SLC39A8: variants seen among roughly 807,000 people sequenced by gnomAD.
SLC39A8 encodes the protein solute carrier family 39 member 8.
A neutral mutation model predicts 40.4 loss-of-function variants in SLC39A8; 15 were observed. The observed-to-expected ratio is 0.37, with a 90% CI of 0.25 to 0.57. The LOEUF (loss-of-function observed/expected upper bound fraction) is 0.57, where lower values mean the gene tolerates loss of function less well. SLC39A8 is among the 20% of genes least tolerant of loss of function. The probability of loss-of-function intolerance (pLI) is 0.75; values close to 1 mark genes in which losing one functional copy is unlikely to be tolerated. For missense variants in SLC39A8, 472 were observed against 558.8 expected, an observed-to-expected ratio of 0.84 and a Z score of 1.57; for synonymous variants, 223 against 221.6, an observed-to-expected ratio of 1.01 and a Z score of -0.06.
At chr4:102,275,975 C>T (rs1027276655) in intron 6 of SLC39A8, among the ~76,000 whole-genome samples, 1 of 152,196 alleles carries the variant, frequency 6.6e-6, no homozygotes, top group Non-Finnish European at 1.5e-5. Context: ...CTCCAGGACA[C>T]AGCTAAAGCA....
intron 2 of SLC39A8, among the ~76,000 whole-genome samples, chr4:102,335,352 T>C (rs1457093135): frequency 1.3e-5 from 2 of 152,160 alleles, no homozygotes; most frequent in Admixed American, 6.5e-5. Context: ...AACTTTCTGT[T>C]TCCCTGTCGC....
At chr4:102,277,478 C>G (rs1266299777) in intron 6 of SLC39A8, among the ~76,000 whole-genome samples, 1 of 151,948 alleles carries the variant, frequency 6.6e-6, no homozygotes, top group South Asian at 2.1e-4. Flanking sequence ...CACTGCTCAA[C>G]AAAATAAGAG....
chr4:102,321,406 C>T (rs559802605), intron 2 of SLC39A8, among the ~76,000 whole-genome samples: 1 of 152,160 alleles, frequency 6.6e-6, no homozygotes. Flanking sequence ...GGGAATTTCC[C>T]GTGCGTGCAA....
chr4:102,335,145 C>T (rs1427650361), intron 2 of SLC39A8, among the ~76,000 whole-genome samples: 1 of 152,130 alleles, frequency 6.6e-6, no homozygotes, highest in Non-Finnish European at 1.5e-5. Flanking sequence ...TTCTGGGGAA[C>T]TCTGCTCCTG....
intron 6 of SLC39A8, among the ~76,000 whole-genome samples, chr4:102,302,591 A>T (rs1372004057): frequency 6.6e-6 from 1 of 152,062 alleles, no homozygotes; most frequent in Non-Finnish European, 1.5e-5. Context: ...ACAGTAGAGC[A>T]GCAACATAAG....
intron 2 of SLC39A8, among the ~76,000 whole-genome samples, chr4:102,325,363 T>C (rs138304667): frequency 1.9e-3 from 283 of 152,220 alleles, no homozygotes; most frequent in Non-Finnish European, 3.4e-3. Flanking sequence ...CTGGCACTGA[T>C]GCCACCAACA....
intron 7 of SLC39A8, 78 bp from the exon 8 acceptor site, chr4:102,267,752 TC>T: frequency 2.0e-6 from 3 of 1,523,312 alleles, no homozygotes; most frequent in South Asian, 1.2e-5. Flanking sequence ...ATCATCAATG[TC>T]CAACAAGGTC....
In SLC39A8 at chr4:102,262,690, A is replaced by G; in HGVS notation, c.*354T>C. ...CTTTGATCCTACCATAGAGTTTTAA[A>G]GGCTTTCAGGATATAACTTGTATTT... On this transcript the variant is annotated 3_prime_UTR_variant, in exon 9 of 9. Coordinates refer to ENST00000356736, the MANE Select transcript of SLC39A8 (RefSeq NM_001135146.2). 1.0e-6 allele frequency: 1 copy of G among 1,001,000 alleles called. No individual in the cohort carries two copies. The highest frequency in any genetic ancestry group is 1.2e-6 in the Non-Finnish European group (1 of 840,306). 62.0% of individuals were successfully genotyped at this position (1,001,000 alleles called of 1,614,324 possible). A position where few individuals can be genotyped will look rare whatever the true frequency, so the allele number is the denominator to read the frequency against.
rs1734834309 is a variant in SLC39A8, at chr4:102,319,950, T to C, written c.220-4120A>G. Among the ~76,000 whole-genome samples, 4 of 151,660 alleles carry C rather than the reference T, an allele frequency of 2.6e-5. No individual in the cohort carries two copies. The South Asian group carries it at 8.3e-4, about 32-fold the overall frequency. ...CAGAGGAAGGAATTTGTCCCTTTTT[T>C]CCTTCCTCACTGCTTGAACTGGGTC... On this transcript the variant is annotated intron_variant, in intron 2 of 8. Transcript: ENST00000356736.
intron 2 of SLC39A8, among the ~76,000 whole-genome samples, chr4:102,325,785 T>A (rs1735171040): frequency 6.6e-6 from 1 of 152,240 alleles, no homozygotes; most frequent in Non-Finnish European, 1.5e-5. Context: ...GTTTAAAATC[T>A]CTTTTTCCAG....
chr4:102,290,282 T>C, intron 6 of SLC39A8, among the ~76,000 whole-genome samples: 1 of 152,162 alleles, frequency 6.6e-6, no homozygotes, highest in East Asian at 1.9e-4. Flanking sequence ...TAATAGACTA[T>C]AGTGTAGTGA....
At chr4:102,256,306 T>C (rs1731707263) in intron 11 of SLC39A8, among the ~76,000 whole-genome samples, 1 of 151,876 alleles carries the variant, frequency 6.6e-6, no homozygotes, top group South Asian at 2.1e-4. Flanking sequence ...ATGTGACCTA[T>C]AGATACATCT....
chr4:102,284,189 A>G (rs979907470), intron 6 of SLC39A8, among the ~76,000 whole-genome samples: 8 of 152,214 alleles, frequency 5.3e-5, no homozygotes, highest in African/African-American at 1.9e-4. Flanking sequence ...CAGGGTATCC[A>G]TCACCCAAAT....
At chr4:102,256,829 A>G (rs1254725366), downstream of SLC39A8, among the ~76,000 whole-genome samples, 2 of 152,188 alleles carry the variant, frequency 1.3e-5, no homozygotes, top group Non-Finnish European at 2.9e-5. Flanking sequence ...GGGTAAGGTG[A>G]GGCAGGTCCA....
chr4:102,344,920 G>A lies in SLC39A8; in HGVS notation c.-253-5C>T, dbSNP rs769353874. On this transcript the variant is annotated splice_region_variant and splice_polypyrimidine_tract_variant and intron_variant, in intron 1 of 8. Transcript: ENST00000356736. ...CCCCCCGGCCTCCTGGAGAGCCTGA[G>A]ATAAAGAGGACAAAGGGGGACAGAG... The A allele has an allele frequency of 1.8e-5, 23 of 1,275,482 alleles. No individual in the cohort carries two copies. Among genetic ancestry groups the A allele is most frequent in the Non-Finnish European group, 2.3e-5 (23 of 1,014,332 alleles). 79.0% of individuals were successfully genotyped at this position (1,275,482 alleles called of 1,614,324 possible). A position where few individuals can be genotyped will look rare whatever the true frequency, so the allele number is the denominator to read the frequency against.
intron 4 of SLC39A8, among the ~76,000 whole-genome samples, chr4:102,306,842 G>A (rs1734191468): frequency 6.6e-6 from 1 of 151,706 alleles, no homozygotes; most frequent in African/African-American, 2.4e-5. Context: ...TGAATAGTGT[G>A]CACTATAGTC....
downstream of SLC39A8, among the ~76,000 whole-genome samples, chr4:102,259,693 G>C (rs769390845): frequency 2.0e-5 from 3 of 152,160 alleles, no homozygotes; most frequent in Non-Finnish European, 4.4e-5. Flanking sequence ...GATGATCTCT[G>C]GTTACTTAGT....
chr4:102,323,892 A>G (rs1214518369), intron 2 of SLC39A8, among the ~76,000 whole-genome samples: 1 of 152,222 alleles, frequency 6.6e-6, no homozygotes, highest in Admixed American at 6.5e-5. Flanking sequence ...TGTTGCCCCT[A>G]ATAGTGAGTT....
intron 8 of SLC39A8, among the ~76,000 whole-genome samples, chr4:102,265,090 G>T (rs919683044): frequency 6.6e-6 from 1 of 152,138 alleles, no homozygotes; most frequent in Non-Finnish European, 1.5e-5. Flanking sequence ...TCACAACTGG[G>T]CTATCTGGCA....
Sources: allele counts gnomAD v4.1 joint callset (sites outside exome capture counted in the v4.1 genomes callset), GRCh38; gene constraint gnomAD v4.1.1; transcripts MANE v1.5; gene names NCBI Gene and HGNC (gene_info 2026-07-23, HGNC 2026-07-21).